Variants in PCOLCE2 observed in about 807,000 individuals in gnomAD.
The protein encoded by PCOLCE2 is procollagen C-endopeptidase enhancer 2.
PCOLCE2 carries 42 observed loss-of-function variants against 47.0 expected under a neutral mutation model. That is an observed-to-expected ratio of 0.89 (90% confidence interval 0.70 to 1.16). The LOEUF is 1.16. Among genes scored for constraint, PCOLCE2 ranks in the 50% most tolerant of loss-of-function variants. The pLI is 0.00. For missense variants in PCOLCE2, 500 were observed against 526.1 expected (o/e 0.95, Z 0.49); for synonymous variants, 169 against 191.7 (o/e 0.88, Z 0.98).
chr3:142,853,912 A>G (rs924360680), intron 2 of PCOLCE2, among the ~76,000 whole-genome samples: 15 of 152,214 alleles, frequency 9.9e-5, no homozygotes, highest in African/African-American at 3.4e-4. Flanking sequence ...GCCAAAGCGT[A>G]GAGCTTCCAC....
intron 1 of PCOLCE2, among the ~76,000 whole-genome samples, chr3:142,888,407 TC>T (rs772095655): frequency 5.3e-5 from 8 of 151,894 alleles, no homozygotes; most frequent in Non-Finnish European, 4.4e-5. Flanking sequence ...CTAGGGTTGT[TC>T]CCTAGTTTAC....
At chr3:142,863,460 G>T (rs907160700) in intron 2 of PCOLCE2, among the ~76,000 whole-genome samples, 3 of 152,158 alleles carry the variant, frequency 2.0e-5, no homozygotes, top group African/African-American at 7.2e-5. Flanking sequence ...CATTTCAAAA[G>T]GTCCAGTTCT....
In PCOLCE2 at chr3:142,848,219, C is replaced by A. The variant is rs1206179508; in HGVS notation, c.446G>T (p.Arg149Ile). Residue 149 changes from arginine to isoleucine, a missense_variant and splice_region_variant, in exon 3 of 9, where the codon AGA becomes ATA. Physicochemically the swap from Arg to Ile is moderately conservative, Grantham distance 97 (BLOSUM62 -3). Coordinates refer to ENST00000295992, the MANE Select transcript of PCOLCE2 (RefSeq NM_013363.4). The part of the protein sequence containing the change: ...AMFSAAEPNE[R>I]GDQYCGGLLD... The stretch of plus-strand genomic sequence containing the variant: ...TTGCCATTATGTGGAAACAGTACCT[C>A]TTTCGTTTGGTTCAGCAGCGGAGAA... 3 of 1,613,554 alleles carry A rather than the reference C, an allele frequency of 1.9e-6. No homozygotes were observed.
At chr3:142,846,253 C>T (rs1323635293) in intron 3 of PCOLCE2, among the ~76,000 whole-genome samples, 1 of 152,140 alleles carries the variant, frequency 6.6e-6, no homozygotes, top group Non-Finnish European at 1.5e-5. Context: ...GGTTGGAGGG[C>T]AGTGGCGCAA....
chr3:142,887,655 T>G lies in PCOLCE2; in HGVS notation c.192+14A>C, dbSNP rs755470071. The G allele has an allele frequency of 7.3e-7, 1 of 1,370,932 alleles. No homozygotes were observed. Among genetic ancestry groups the G allele is most frequent in the Non-Finnish European group, 1.0e-6 (1 of 958,896 alleles). 84.9% of individuals were successfully genotyped at this position (1,370,932 alleles called of 1,614,324 possible). A position where few individuals can be genotyped will look rare whatever the true frequency, so the allele number is the denominator to read the frequency against. On this transcript the variant is annotated intron_variant, in intron 2 of 8. Coordinates refer to ENST00000295992, the MANE Select transcript of PCOLCE2 (RefSeq NM_013363.4). ...ACCCACTTCCAGGAGAATACCTTTT[T>G]AAAAAATGCTTACTGTGATTTTCCA... is the stretch of plus-strand genomic sequence containing the variant.
intron 2 of PCOLCE2, among the ~76,000 whole-genome samples, chr3:142,849,545 A>G (rs1937367223): frequency 6.6e-6 from 1 of 152,238 alleles, no homozygotes; most frequent in African/African-American, 2.4e-5. Flanking sequence ...GTAGGTAGAA[A>G]AAATGGCTAT....
intron 2 of PCOLCE2, among the ~76,000 whole-genome samples, chr3:142,859,918 A>G (rs1255834227): frequency 6.6e-6 from 1 of 152,262 alleles, no homozygotes; most frequent in African/African-American, 2.4e-5. Flanking sequence ...AGAGTAAAGA[A>G]GAAAGCACAT....
intron 1 of PCOLCE2, 169 bp downstream of exon 1, chr3:142,888,645 C>G (rs1457684): frequency 0.8 from 355,483 of 446,776 alleles, 142,237 homozygotes; most frequent in African/African-American, 0.91. Flanking sequence ...CCCGAAGTCC[C>G]GGGCTTAGCC....
chr3:142,849,258 G>T (rs1421897435), intron 2 of PCOLCE2, among the ~76,000 whole-genome samples: 1 of 152,138 alleles, frequency 6.6e-6, no homozygotes, highest in Non-Finnish European at 1.5e-5. Context: ...TTTGGCAATT[G>T]TGTAGTTAAT....
intron 2 of PCOLCE2, among the ~76,000 whole-genome samples, chr3:142,850,966 G>T (rs1009735116): frequency 6.6e-6 from 1 of 152,158 alleles, no homozygotes; most frequent in Non-Finnish European, 1.5e-5. Flanking sequence ...CAGGCAAAGG[G>T]GGATCTGATC....
chr3:142,841,750 T>C (rs1008600155), intron 4 of PCOLCE2, among the ~76,000 whole-genome samples: 7 of 152,168 alleles, frequency 4.6e-5, no homozygotes, highest in African/African-American at 1.7e-4. Flanking sequence ...AAGAAATACA[T>C]GACAAATGGT....
At chr3:142,878,329 C>A (rs1214140165) in intron 2 of PCOLCE2, among the ~76,000 whole-genome samples, 1 of 152,154 alleles carries the variant, frequency 6.6e-6, no homozygotes, top group Non-Finnish European at 1.5e-5. Context: ...GCCATACTGA[C>A]TCTCGTGATC....
At chr3:142,877,384 G>A (rs1027400058) in intron 2 of PCOLCE2, among the ~76,000 whole-genome samples, 1 of 152,120 alleles carries the variant, frequency 6.6e-6, no homozygotes, top group Non-Finnish European at 1.5e-5. Context: ...TGCTCCAAAT[G>A]GATTACCAAC....
chr3:142,866,460 C>T (rs1933285115), intron 2 of PCOLCE2, among the ~76,000 whole-genome samples: 1 of 152,080 alleles, frequency 6.6e-6, no homozygotes, highest in Non-Finnish European at 1.5e-5. Flanking sequence ...GACTTCTCAG[C>T]CTCTATAATT....
chr3:142,830,758 A>G (rs1191079478), intron 5 of PCOLCE2, among the ~76,000 whole-genome samples: 3 of 152,266 alleles, frequency 2.0e-5, no homozygotes, highest in Non-Finnish European at 2.9e-5. Context: ...CAATGGTTAA[A>G]AAAATGCTGT....
chr3:142,858,200 A>G (rs1485365964), intron 2 of PCOLCE2, among the ~76,000 whole-genome samples: 1 of 152,148 alleles, frequency 6.6e-6, no homozygotes, highest in Non-Finnish European at 1.5e-5. Context: ...CGGCATCCAC[A>G]GGTCTCACAG....
chr3:142,874,630 G>T (rs2108209454), intron 2 of PCOLCE2, among the ~76,000 whole-genome samples: 1 of 152,262 alleles, frequency 6.6e-6, no homozygotes, highest in Non-Finnish European at 1.5e-5. Flanking sequence ...TTTCTTCGGA[G>T]ATTTATCATT....
chr3:142,828,980 TG>T (rs1937115895), intron 6 of PCOLCE2, among the ~76,000 whole-genome samples: 1 of 152,338 alleles, frequency 6.6e-6, no homozygotes, highest in South Asian at 2.1e-4. Context: ...GCAATAAAGC[TG>T]GGCTTATTTC....
intron 2 of PCOLCE2, among the ~76,000 whole-genome samples, chr3:142,876,417 A>C (rs1299210219): frequency 6.6e-6 from 1 of 152,196 alleles, no homozygotes; most frequent in African/African-American, 2.4e-5. Context: ...AGGGAGGTTA[A>C]GTAGCAAGCC....
Sources: gnomAD v4.1 joint callset for allele counts (sites outside exome capture counted in the v4.1 genomes callset) on GRCh38, gnomAD v4.1.1 for gene constraint, MANE v1.5 for transcripts, NCBI Gene and HGNC (gene_info 2026-07-23, HGNC 2026-07-21) for gene names.